THSD7B: variants seen among roughly 807,000 people sequenced by gnomAD.
THSD7B encodes thrombospondin type 1 domain containing 7B, also known as thrombospondin type-1 domain-containing protein 7B.
THSD7B carries 138 observed loss-of-function variants against 213.6 expected under a neutral mutation model. That is an observed-to-expected ratio of 0.65 (90% CI 0.56 to 0.74). The LOEUF is 0.74. Among genes scored for constraint, THSD7B ranks in the 30% least tolerant of loss-of-function variants. The probability of loss-of-function intolerance (pLI) is 0.00; values close to 1 mark genes in which losing one functional copy is unlikely to be tolerated. For missense variants in THSD7B, 1,931 were observed against 1,991.5 expected (o/e 0.97, Z 0.58); for synonymous variants, 742 against 687.0 (o/e 1.08, Z -1.25).
chr2:136,899,388 G>A (rs961125948), intron 2 of THSD7B, among the ~76,000 whole-genome samples: 3 of 152,066 alleles, frequency 2.0e-5, no homozygotes, highest in Non-Finnish European at 4.4e-5. Flanking sequence ...ATTCTTAAAT[G>A]TGATTTTAAA....
intron 14 of THSD7B, among the ~76,000 whole-genome samples, chr2:137,412,148 G>T (rs1413259251): frequency 3.9e-5 from 6 of 152,050 alleles, no homozygotes; most frequent in Non-Finnish European, 2.9e-5. Flanking sequence ...CAGCACTGCT[G>T]CTCCACTTCA....
chr2:137,254,177 G>A (rs1682253135), intron 10 of THSD7B, among the ~76,000 whole-genome samples: 1 of 152,028 alleles, frequency 6.6e-6, no homozygotes, highest in African/African-American at 2.4e-5. Flanking sequence ...ACATATAGAT[G>A]GTTCAGATAG....
intron 7 of THSD7B, among the ~76,000 whole-genome samples, chr2:137,183,577 GT>G (rs1038113629): frequency 1.3e-5 from 2 of 151,934 alleles, no homozygotes; most frequent in Admixed American, 6.6e-5. Context: ...AGAATGACTT[GT>G]TTTTTTAATT....
At position 137,140,696 on chromosome 2, in the gene THSD7B, T is replaced by C. The variant is rs570249218; in HGVS notation, c.1370-19517T>C. Among the ~76,000 whole-genome samples, 12 of 152,262 alleles carry C rather than the reference T, an allele frequency of 7.9e-5. No homozygotes were observed. The South Asian group carries it at 1.7e-3, about 21-fold the overall frequency. ...AATTTATTCATCGAACAAATACTTA[T>C]TGAGTGTCCATTTTATGATAAGAAC... On this transcript the variant is annotated intron_variant, in intron 5 of 27. Coordinates refer to ENST00000409968, the MANE Select transcript of THSD7B (RefSeq NM_001316349.2).
At chr2:137,312,431 A>G (rs1009936499) in intron 12 of THSD7B, among the ~76,000 whole-genome samples, 3 of 144,744 alleles carry the variant, frequency 2.1e-5, no homozygotes, top group African/African-American at 7.9e-5. Context: ...TGGTCTATCA[A>G]TTTTGTTGAT....
intron 1 of THSD7B, among the ~76,000 whole-genome samples, chr2:136,873,517 T>C (rs1038854753): frequency 1.1e-4 from 17 of 152,316 alleles, no homozygotes; most frequent in Non-Finnish European, 2.2e-4. Context: ...GCAGGGTCAG[T>C]GTGAATCTTT....
In THSD7B at chr2:137,122,716, G is replaced by A. The variant is rs138028659; in HGVS notation, c.1369+7423G>A. Among the ~76,000 whole-genome samples the A allele has an allele frequency of 8.7e-3, 1,319 of 152,094 alleles. 13 individuals are homozygous for A. The highest frequency in any genetic ancestry group is 0.01 in the Non-Finnish European group (696 of 67,998). ...AATGCTGAACATCTTTCACAGTCTC[G>A]GGCTTTGGAGCTCATCTCTACCTGC... On this transcript the variant is annotated intron_variant, in intron 5 of 27. Coordinates refer to ENST00000409968, the MANE Select transcript of THSD7B (RefSeq NM_001316349.2).
intron 3 of THSD7B, among the ~76,000 whole-genome samples, chr2:137,090,894 C>T (rs955810871): frequency 6.6e-6 from 1 of 152,094 alleles, no homozygotes; most frequent in Non-Finnish European, 1.5e-5. Context: ...AGATTAAGAT[C>T]GTAATAATAT....
chr2:136,892,463 G>A (rs12613035), intron 2 of THSD7B, among the ~76,000 whole-genome samples: 55,409 of 151,296 alleles, frequency 0.37, 11,511 homozygotes, highest in East Asian at 0.97. Context: ...GCTATTCAGC[G>A]TCTCCTCAAA....
chr2:137,134,964 T>C (rs1369292428), intron 5 of THSD7B, among the ~76,000 whole-genome samples: 1 of 152,184 alleles, frequency 6.6e-6, no homozygotes, highest in Non-Finnish European at 1.5e-5. Context: ...TTGCTAGCTA[T>C]GTGACCTTGA....
At chr2:137,632,361 G>T (rs1208531385) in intron 20 of THSD7B, among the ~76,000 whole-genome samples, 6 of 152,144 alleles carry the variant, frequency 3.9e-5, no homozygotes, top group Non-Finnish European at 8.8e-5. Flanking sequence ...TGCATGTTAT[G>T]TAGTTTATCT....
chr2:137,604,368 T>G (rs1682133290), intron 17 of THSD7B, among the ~76,000 whole-genome samples: 1 of 152,208 alleles, frequency 6.6e-6, no homozygotes, highest in Non-Finnish European at 1.5e-5. Flanking sequence ...TTATTAAAAC[T>G]TTTAGTATTA....
chr2:136,785,779 A>G (rs1042849869), intron 1 of THSD7B, among the ~76,000 whole-genome samples: 8 of 152,220 alleles, frequency 5.3e-5, no homozygotes, highest in Admixed American at 3.3e-4. Context: ...GCCTCACTTG[A>G]TACCCAATAC....
chr2:137,592,999 T>C (rs980124649), intron 17 of THSD7B, among the ~76,000 whole-genome samples: 2 of 152,026 alleles, frequency 1.3e-5, no homozygotes, highest in African/African-American at 4.8e-5. Context: ...TTGAATTTCA[T>C]ATAAATGGAA....
chr2:136,827,090 G>C (rs1187906697), intron 1 of THSD7B, among the ~76,000 whole-genome samples: 1 of 152,190 alleles, frequency 6.6e-6, no homozygotes, highest in East Asian at 1.9e-4. Flanking sequence ...TCTGTGATTA[G>C]TGGTCAGATT....
At chr2:136,926,659 A>C (rs942720548) in intron 2 of THSD7B, among the ~76,000 whole-genome samples, 5 of 151,660 alleles carry the variant, frequency 3.3e-5, no homozygotes, top group African/African-American at 1.2e-4. Context: ...ATGCCACTGT[A>C]CTCCAGCCTG....
intron 2 of THSD7B, among the ~76,000 whole-genome samples, chr2:136,896,487 G>C (rs1683962557): frequency 6.6e-6 from 1 of 152,094 alleles, no homozygotes; most frequent in Admixed American, 6.5e-5. Flanking sequence ...TTTTCTCCCA[G>C]CTTGTGGCTT....
At chr2:137,324,899 A>G (rs990185459) in intron 12 of THSD7B, among the ~76,000 whole-genome samples, 13 of 152,230 alleles carry the variant, frequency 8.5e-5, no homozygotes, top group Admixed American at 6.5e-4. Flanking sequence ...GCCTCAAACC[A>G]TGAGTCAACT....
intron 14 of THSD7B, among the ~76,000 whole-genome samples, chr2:137,418,305 G>C (rs1023778680): frequency 3.3e-5 from 5 of 152,146 alleles, no homozygotes; most frequent in African/African-American, 1.2e-4. Flanking sequence ...TTCAAGGACA[G>C]GAATCTTTCC....
Sources: gnomAD v4.1 joint callset for allele counts (sites outside exome capture counted in the v4.1 genomes callset) on GRCh38, gnomAD v4.1.1 for gene constraint, MANE v1.5 for transcripts, NCBI Gene and HGNC (gene_info 2026-07-23, HGNC 2026-07-21) for gene names.